Variants in CAPN3 observed in about 807,000 individuals in gnomAD.
The protein encoded by CAPN3 is calpain-3.
CAPN3 carries 88 observed loss-of-function variants against 114.0 expected under a neutral mutation model. The ratio of observed to expected loss-of-function variants is 0.77; its 90% CI spans 0.65 to 0.92. CAPN3 has a LOEUF of 0.92. Ranked by LOEUF, CAPN3 falls within the 40% of genes least tolerant of loss-of-function variation. CAPN3 has a pLI of 0.00. For missense variants in CAPN3, 1,028 were observed against 1,069.0 expected (o/e 0.96, Z 0.53); for synonymous variants, 386 against 382.9 (o/e 1.01, Z -0.09).
Position 42,411,360 on chromosome 15 carries a change from C to T in CAPN3, c.2439+15C>T. The T allele has an allele frequency of 6.2e-7, 1 of 1,611,796 alleles. No individual in the cohort carries two copies. Among genetic ancestry groups the T allele is most frequent in the Non-Finnish European group, 8.5e-7 (1 of 1,177,888 alleles). On this transcript the variant is annotated intron_variant, in intron 23 of 23. Coordinates refer to ENST00000397163, the MANE Select transcript of CAPN3 (RefSeq NM_000070.3). The stretch of plus-strand genomic sequence containing the variant: ...ACGTTCTGGAGGTAAAGCATAGGCA[C>T]AGCACATTCCCCCTACACATTAAAA...
chr15:42,408,990 C>T (rs1333409654), intron 16 of CAPN3: 2 of 428,956 alleles, frequency 4.7e-6, no homozygotes. Flanking sequence ...CCTGCGGGCA[C>T]CTTTAGTTGG....
In CAPN3 at chr15:42,403,773, C is replaced by T; in HGVS notation, c.1778C>T (p.Pro593Leu). ...GAAAATACCATCTCCGTGGATCGGC[C>T]AGTGGTGAGTGGTTTAGATCTTCTG... ...EVENTISVDR[P>L]VKKKKTKPII... Residue 593 changes from proline (P) to leucine (L), a missense_variant, in exon 14 of 24, where the codon CCA becomes CTA. Physicochemically the swap from Pro to Leu is moderately conservative, Grantham distance 98 (BLOSUM62 -3). Coordinates refer to ENST00000397163, the MANE Select transcript of CAPN3 (RefSeq NM_000070.3). 6.2e-7 allele frequency: 1 copy of T among 1,614,002 alleles called. No individual in the cohort carries two copies. The highest frequency in any genetic ancestry group is 8.5e-7 in the Non-Finnish European group (1 of 1,179,900).
chr15:42,409,770 T>C lies in CAPN3; in HGVS notation c.1993-17T>C, dbSNP rs762038441. 34 of 1,609,108 alleles carry C rather than the reference T, an allele frequency of 2.1e-5. No homozygotes were observed. The highest frequency in any genetic ancestry group is 5.1e-5 in the Admixed American group (3 of 59,192). ...CTGTACTCCTGAACCATGACCCTCC[T>C]CTCCCTTCCTCCTCAGGACATGGAG... On this transcript the variant is annotated splice_polypyrimidine_tract_variant and intron_variant, in intron 17 of 23. Coordinates refer to ENST00000397163, the MANE Select transcript of CAPN3 (RefSeq NM_000070.3).
intron 15 of CAPN3, 125 bp from the exon 16 acceptor site, chr15:42,408,086 A>C: frequency 5.8e-6 from 4 of 684,056 alleles, no homozygotes; most frequent in Non-Finnish European, 1.1e-5. Flanking sequence ...CCGAGGTTGA[A>C]GAGCTCCCGC....
chr15:42,388,451 G>A (rs989593651), intron 4 of CAPN3, among the ~76,000 whole-genome samples: 28 of 152,086 alleles, frequency 1.8e-4, no homozygotes, highest in African/African-American at 6.3e-4. Flanking sequence ...GACTACATGC[G>A]GGCATCACCA....
chr15:42,409,215 A>AC, intron 16 of CAPN3, 88 bp from the exon 17 acceptor site: 1 of 1,287,444 alleles, frequency 7.8e-7, no homozygotes, highest in Non-Finnish European at 1.1e-6. Flanking sequence ...CGTTTTAGGC[A>AC]CTTGGCTCCC....
Position 42,359,698 on chromosome 15 carries a change from C to T in CAPN3, c.-108C>T. 6.3e-7 allele frequency: 1 copy of T among 1,582,370 alleles called. No individual in the cohort carries two copies. The highest frequency in any genetic ancestry group is 8.6e-7 in the Non-Finnish European group (1 of 1,167,058). ...TTGAACTGGATGTGGACACTTTTCT[C>T]TCAGATGACAGAATTACTCCAACTT... On this transcript the variant is annotated 5_prime_UTR_variant, in exon 1 of 24. Transcript: ENST00000397163.
chr15:42,408,552 G>C (rs983071617), intron 16 of CAPN3: 17 of 523,968 alleles, frequency 3.2e-5, no homozygotes, highest in Middle Eastern at 4.2e-4. Context: ...CTGGCAGGCT[G>C]AGCCTCCCAT....
chr15:42,404,771 G>A (rs1272698887), intron 14 of CAPN3: 1 of 1,122,170 alleles, frequency 8.9e-7, no homozygotes, highest in Admixed American at 4.2e-5. Context: ...GGCAGTGACA[G>A]TCATGGTCAT....
At chr15:42,405,062 T>C in intron 14 of CAPN3, 2 of 977,924 alleles carry the variant, frequency 2.0e-6, no homozygotes, top group Non-Finnish European at 2.4e-6. Context: ...AACAGGAATG[T>C]TGGGGCGTGG....
chr15:42,396,532 G>A (rs1029879406), intron 8 of CAPN3, among the ~76,000 whole-genome samples: 2 of 152,104 alleles, frequency 1.3e-5, no homozygotes, highest in Admixed American at 1.3e-4. Context: ...GAGCCATTGC[G>A]AGCAGCCCAG....
chr15:42,367,612 T>G (rs1255622463), intron 1 of CAPN3, among the ~76,000 whole-genome samples: 3 of 152,346 alleles, frequency 2.0e-5, no homozygotes, highest in Non-Finnish European at 4.4e-5. Flanking sequence ...ATGGATGGCT[T>G]TCTTTCCTGA....
chr15:42,409,331 G>A lies in CAPN3; in HGVS notation c.1943G>A (p.Ser648Asn). 1 of 1,614,228 alleles carries A rather than the reference G, an allele frequency of 6.2e-7. No homozygotes were observed. Among genetic ancestry groups the A allele is most frequent in the Non-Finnish European group, 8.5e-7 (1 of 1,180,032 alleles). Residue 648 changes from serine to asparagine, a missense_variant, in exon 17 of 24, where the codon AGT (serine) becomes AAT (asparagine). Coordinates refer to ENST00000397163, the MANE Select transcript of CAPN3 (RefSeq NM_000070.3). ...CAGCCTGGCAGCTCTGATCAGGAAA[G>A]TGAGGAACAGCAACAATTCCGGAAC... is the stretch of plus-strand genomic sequence containing the variant. Reference protein sequence around the residue: ...QPQPGSSDQESEEQQQFRNIF... With the variant: ...QPQPGSSDQENEEQQQFRNIF...
rs746786954 is a variant in CAPN3, at chr15:42,408,306, G to A, written c.1896G>A (p.Lys632=). Residue 632 remains lysine, a synonymous_variant, in exon 16 of 24, where the codon AAG becomes AAA. Coordinates refer to ENST00000397163, the MANE Select transcript of CAPN3 (RefSeq NM_000070.3). The stretch of plus-strand genomic sequence containing the variant: ...GCAAAGGCAAAACAAGCCCTGATAA[G>A]CAAAAGCAGTCCCCACAGGTGTCTG... ...EEGKGKTSPD[K]QKQSPQPQPG... 12 of 1,612,530 alleles carry A rather than the reference G, an allele frequency of 7.4e-6. No individual in the cohort carries two copies. In the South Asian group the frequency reaches 1.3e-4, roughly 18 times the overall value.
At chr15:42,401,847 ACTTTC>A (rs2053882194) in intron 11 of CAPN3, 37 bp downstream of exon 11, 2 of 1,596,190 alleles carry the variant, frequency 1.3e-6, no homozygotes, top group African/African-American at 2.7e-5. Context: ...CAGGAAACAT[ACTTTC>A]CCAGGGAGGA....
intron 17 of CAPN3, 92 bp from the exon 18 acceptor site, chr15:42,409,695 A>G (rs1011886170): frequency 8.5e-6 from 10 of 1,182,512 alleles, no homozygotes; most frequent in Admixed American, 6.7e-5. Context: ...GGGATTTTAC[A>G]AACACAGCCA....
Position 42,386,248 on chromosome 15 carries a change from GT to G in CAPN3, c.464del (p.Phe155SerfsTer24). The G allele has an allele frequency of 1.9e-6, 3 of 1,614,080 alleles. No individual in the cohort carries two copies. The highest frequency in any genetic ancestry group is 2.5e-6 in the Non-Finnish European group (3 of 1,179,946). On this transcript the variant is annotated frameshift_variant, in exon 3 of 24. Transcript: ENST00000397163. LOFTEE classifies it high-confidence loss of function. ...LLFRVIPHDQ[S>X]FIENYAGIFH... The stretch of plus-strand genomic sequence containing the variant: ...TTCCGAGTCATACCCCATGATCAAA[GT>G]TTCATCGAAAACTACGCAGGGATCT...
At chr15:42,396,126 T>C (rs926814731) in intron 8 of CAPN3, among the ~76,000 whole-genome samples, 1 of 152,210 alleles carries the variant, frequency 6.6e-6, no homozygotes, top group Non-Finnish European at 1.5e-5. Flanking sequence ...GACATAATCA[T>C]TTTCCTTTTG....
chr15:42,401,821 C>A lies in CAPN3; in HGVS notation c.1524+11C>A. Reference sequence around the variant, plus strand: ...TTCGCCATCTACGAGGTGTGCAGTCCTGATTGGCTCCAGCCCAGGAAACAT... The same window carrying A: ...TTCGCCATCTACGAGGTGTGCAGTCATGATTGGCTCCAGCCCAGGAAACAT... On this transcript the variant is annotated intron_variant, in intron 11 of 23. Transcript: ENST00000397163. 1 of 1,610,672 alleles carries A rather than the reference C, an allele frequency of 6.2e-7. No homozygotes were observed. The highest frequency in any genetic ancestry group is 8.5e-7 in the Non-Finnish European group (1 of 1,178,318).
Sources: allele counts gnomAD v4.1 joint callset (sites outside exome capture counted in the v4.1 genomes callset), GRCh38; gene constraint gnomAD v4.1.1; transcripts MANE v1.5; gene names NCBI Gene and HGNC (gene_info 2026-07-23, HGNC 2026-07-21).